IL1RAPL2: variants seen among roughly 807,000 people sequenced by gnomAD.
The protein encoded by IL1RAPL2 is X-linked interleukin-1 receptor accessory protein-like 2.
IL1RAPL2 carries 3 observed loss-of-function variants against 44.1 expected under a neutral mutation model. The ratio of observed to expected loss-of-function variants is 0.07; its 90% CI spans 0.03 to 0.18. The LOEUF (loss-of-function observed/expected upper bound fraction) is 0.18, where lower values mean the gene tolerates loss of function less well. IL1RAPL2 is among the 10% of genes least tolerant of loss of function. The pLI is 1.00. For missense variants in IL1RAPL2, 391 were observed against 496.4 expected, an observed-to-expected ratio of 0.79 and a Z score of 2.02; for synonymous variants, 181 against 178.8, an observed-to-expected ratio of 1.01 and a Z score of -0.10.
intron 3 of IL1RAPL2, among the ~76,000 whole-genome samples, chrX:105,205,012 T>C (rs144687693): frequency 0.012 from 1,330 of 111,735 alleles, 16 homozygotes; most frequent in Non-Finnish European, 0.021. Flanking sequence ...GCTTCCATTC[T>C]AGAGTTGGGA....
At chrX:105,207,172 C>T (rs2147617994) in intron 3 of IL1RAPL2, among the ~76,000 whole-genome samples, 1 of 110,613 alleles carries the variant, frequency 9.0e-6, no homozygotes, top group Non-Finnish European at 1.9e-5. Flanking sequence ...TTTTAGGTCT[C>T]AGGTATTTAT....
chrX:104,868,668 C>A (rs1922682489), intron 2 of IL1RAPL2, among the ~76,000 whole-genome samples: 1 of 112,293 alleles, frequency 8.9e-6, no homozygotes, highest in East Asian at 2.8e-4. Flanking sequence ...CCAAGATCTC[C>A]TGTGAAGCTG....
chrX:104,871,209 A>G (rs920711714), intron 2 of IL1RAPL2, among the ~76,000 whole-genome samples: 1 of 112,067 alleles, frequency 8.9e-6, no homozygotes, highest in Non-Finnish European at 1.9e-5. Flanking sequence ...TAATTGGTCA[A>G]AAAGTCAGTT....
intron 10 of IL1RAPL2, among the ~76,000 whole-genome samples, chrX:105,760,665 TG>T (rs1486840443): frequency 3.6e-5 from 4 of 112,157 alleles, no homozygotes; most frequent in African/African-American, 1.3e-4. Context: ...AACTCAGAAC[TG>T]TAAATACACA....
chrX:105,551,965 G>A, intron 6 of IL1RAPL2, among the ~76,000 whole-genome samples: 1 of 110,535 alleles, frequency 9.0e-6, no homozygotes, highest in Non-Finnish European at 1.9e-5. Flanking sequence ...AATTAGCTGG[G>A]CGTGGTGGCG....
At chrX:105,085,127 T>C (rs1372130386) in intron 2 of IL1RAPL2, among the ~76,000 whole-genome samples, 4 of 112,210 alleles carry the variant, frequency 3.6e-5, no homozygotes, top group Non-Finnish European at 5.6e-5. Flanking sequence ...GCTTGGGCAG[T>C]ATCTTTATAG....
chrX:104,726,796 G>C (rs1931804071), intron 2 of IL1RAPL2, among the ~76,000 whole-genome samples: 1 of 110,440 alleles, frequency 9.1e-6, no homozygotes, highest in Admixed American at 9.8e-5. Context: ...TTACCATGCT[G>C]TTTTGGCTGC....
In IL1RAPL2 at chrX:105,562,512, A is replaced by AACACACACACAC. The variant is rs55720100; in HGVS notation, c.772+78151_772+78162dup. Among the ~76,000 whole-genome samples the AACACACACACAC allele has an allele frequency of 2.2e-3, 197 of 91,592 alleles. 2 individuals are homozygous for AACACACACACAC. The highest frequency in any genetic ancestry group is 5.9e-3 in the Middle Eastern group (1 of 169). The allele number at this position is 91,592 out of a possible 115,157, so 79.5% of individuals were successfully genotyped here. A position where few individuals can be genotyped will look rare whatever the true frequency, so the allele number is the denominator to read the frequency against. On this transcript the variant is annotated intron_variant, in intron 6 of 10. Transcript: ENST00000372582. Reference sequence around the variant, plus strand: ...TACAATTATTTGTGAATTGAAAATAAACACACACACACACACACACACACA... The same window carrying AACACACACACAC: ...TACAATTATTTGTGAATTGAAAATAAACACACACACACACACACACACACACACACACACACA...
chrX:105,631,818 A>C (rs1015689158), intron 6 of IL1RAPL2, among the ~76,000 whole-genome samples: 1 of 111,424 alleles, frequency 9.0e-6, no homozygotes, highest in Non-Finnish European at 1.9e-5. Flanking sequence ...CGAAACCACA[A>C]CTAATCTACC....
rs2145198 is a variant in IL1RAPL2, at chrX:105,303,010, G to A, written c.697+35469G>A. ...GTTCTGCCCTATATTGCTTTCTGCC[G>A]TGACAGGGCATCACTGAATTCCAAT... On this transcript the variant is annotated intron_variant, in intron 5 of 10. Transcript: ENST00000372582. Among the ~76,000 whole-genome samples, 335 of 111,366 alleles carry A rather than the reference G, an allele frequency of 3.0e-3. 6 individuals carry two copies. Among genetic ancestry groups the A allele is most frequent in the Admixed American group, 0.027 (285 of 10,459 alleles).
chrX:105,461,398 CTT>C (rs368153338), intron 5 of IL1RAPL2, among the ~76,000 whole-genome samples: 82 of 111,397 alleles, frequency 7.4e-4, no homozygotes, highest in African/African-American at 2.6e-3. Flanking sequence ...TCCTTTAAGT[CTT>C]TTTATCATCA....
At chrX:105,363,289 A>T (rs867129379) in intron 5 of IL1RAPL2, among the ~76,000 whole-genome samples, 42 of 76,234 alleles carry the variant, frequency 5.5e-4, no homozygotes, top group East Asian at 1.0e-3. Flanking sequence ...ATATATATAT[A>T]ATATATATAT....
At chrX:104,899,764 T>C (rs1923758130) in intron 2 of IL1RAPL2, among the ~76,000 whole-genome samples, 2 of 111,958 alleles carry the variant, frequency 1.8e-5, no homozygotes, top group African/African-American at 6.5e-5. Flanking sequence ...CATCCAAGTC[T>C]TCTCATCTCT....
rs1925428029 is a variant in IL1RAPL2, at chrX:104,947,767, T to G, written c.83-247708T>G. Among the ~76,000 whole-genome samples the G allele has an allele frequency of 3.6e-5, 4 of 112,079 alleles. No individual in the cohort carries two copies. The Admixed American group carries it at 3.8e-4, about 11-fold the overall frequency. On this transcript the variant is annotated intron_variant, in intron 2 of 10. Transcript: ENST00000372582. ...TTTCTCAGGGTTCTGTTCTGTTCCA[T>G]TGGTCTATATCTCTGTTTTGATACC... is the stretch of plus-strand genomic sequence containing the variant.
At chrX:105,649,752 A>T (rs2037630242) in intron 6 of IL1RAPL2, among the ~76,000 whole-genome samples, 2 of 111,771 alleles carry the variant, frequency 1.8e-5, no homozygotes, top group South Asian at 7.5e-4. Flanking sequence ...CTACAGAGGA[A>T]CATTCCTGTC....
chrX:105,751,260 G>A (rs2038595425), intron 9 of IL1RAPL2, among the ~76,000 whole-genome samples: 1 of 110,515 alleles, frequency 9.0e-6, no homozygotes, highest in African/African-American at 3.3e-5. Context: ...GGGCGACAGA[G>A]TGAGACCCTG....
intron 2 of IL1RAPL2, among the ~76,000 whole-genome samples, chrX:104,662,417 C>T (rs2148025098): frequency 8.9e-6 from 1 of 112,021 alleles, no homozygotes; most frequent in East Asian, 2.8e-4. Flanking sequence ...TCACATAACA[C>T]TCCTTCAGTA....
intron 1 of IL1RAPL2, among the ~76,000 whole-genome samples, chrX:104,636,590 GA>G (rs1324797596): frequency 3.6e-5 from 4 of 111,731 alleles, no homozygotes; most frequent in African/African-American, 1.3e-4. Flanking sequence ...TTTGATTTCA[GA>G]CTGGTGTTCT....
intron 5 of IL1RAPL2, among the ~76,000 whole-genome samples, chrX:105,461,942 G>T (rs1464687139): frequency 9.0e-6 from 1 of 110,903 alleles, no homozygotes. Context: ...TAGTGCATAG[G>T]AATGAAGCAC....
Sources: gnomAD v4.1 joint callset for allele counts (sites outside exome capture counted in the v4.1 genomes callset) on GRCh38, gnomAD v4.1.1 for gene constraint, MANE v1.5 for transcripts, NCBI Gene and HGNC (gene_info 2026-07-23, HGNC 2026-07-21) for gene names.